TSPEAR: variants seen among roughly 807,000 people sequenced by gnomAD.
TSPEAR encodes the protein thrombospondin-type laminin G domain and EAR repeat-containing protein.
A neutral mutation model predicts 71.6 loss-of-function variants in TSPEAR; 69 were observed. That is an observed-to-expected ratio of 0.96 (90% confidence interval 0.79 to 1.18). The LOEUF (loss-of-function observed/expected upper bound fraction) is 1.18, where lower values mean the gene tolerates loss of function less well. Ranked by LOEUF, TSPEAR falls within the 50% of genes most tolerant of loss-of-function variation. The pLI, the probability that TSPEAR is intolerant of heterozygous loss-of-function variation, is 0.00. For missense variants in TSPEAR, 971 were observed against 894.9 expected (o/e 1.09, Z -1.09); for synonymous variants, 402 against 387.2 (o/e 1.04, Z -0.45).
intron 1 of TSPEAR, among the ~76,000 whole-genome samples, chr21:44,621,989 T>C (rs1982468851): frequency 6.6e-6 from 1 of 152,176 alleles, no homozygotes; most frequent in African/African-American, 2.4e-5. Flanking sequence ...TTTTGGTCCC[T>C]TTACAATTAC....
In TSPEAR at chr21:44,695,268, C is replaced by G. The variant is rs1274661557; in HGVS notation, c.82+16165G>C. On this transcript the variant is annotated intron_variant, in intron 1 of 11. Coordinates refer to ENST00000323084, the MANE Select transcript of TSPEAR (RefSeq NM_144991.3). The surrounding 1 kb of genome is among the most constrained non-coding windows in gnomAD (Gnocchi z 4.5). ...GCACCTTTGCTCCCACTGGACTGGA[C>G]GCTGTGCTGTCTCTCAGGTACGCAA... 6.6e-6 allele frequency among the ~76,000 whole-genome samples: 1 copy of G among 152,326 alleles called. No individual in the cohort carries two copies. The highest frequency in any genetic ancestry group is 2.4e-5 in the African/African-American group (1 of 41,568).
At chr21:44,636,129 A>G (rs1184059226) in intron 1 of TSPEAR, among the ~76,000 whole-genome samples, 2 of 152,192 alleles carry the variant, frequency 1.3e-5, no homozygotes, top group Non-Finnish European at 2.9e-5. Context: ...GGCAGTTCAT[A>G]TCTTCATTTG....
chr21:44,591,455 G>C lies in TSPEAR; in HGVS notation c.83-23450C>G, dbSNP rs782674856. On this transcript the variant is annotated intron_variant, in intron 1 of 11. Coordinates refer to ENST00000323084, the MANE Select transcript of TSPEAR (RefSeq NM_144991.3). ...GGGCGGGAGCACATGGGGCGGCAGA[G>C]GAGGGAAACACAGGAGGCCGTGCGG... is the stretch of plus-strand genomic sequence containing the variant. 4.3e-6 allele frequency: 7 copies of C among 1,613,942 alleles called. No homozygotes were observed. In the Admixed American group the frequency reaches 8.3e-5, roughly 19 times the overall value.
chr21:44,555,256 A>G (rs587750489), intron 2 of TSPEAR, among the ~76,000 whole-genome samples: 1 of 152,356 alleles, frequency 6.6e-6, no homozygotes, highest in African/African-American at 2.4e-5. Context: ...AACGGTTTAT[A>G]AAATAAAAAC....
Position 44,593,297 on chromosome 21 carries a change from C to T in TSPEAR, c.83-25292G>A, listed in dbSNP as rs1235050985. ...TGTGCTCTGCTTCTCCGAGGCTGCC[C>T]GTCAGCCCCCACCCAGCCTCCTGCT... is the stretch of plus-strand genomic sequence containing the variant. On this transcript the variant is annotated intron_variant, in intron 1 of 11. Transcript: ENST00000323084. The surrounding 1 kb of genome is among the most constrained non-coding windows in gnomAD (Gnocchi z 5.9). Among the ~76,000 whole-genome samples the T allele has an allele frequency of 6.6e-6, 1 of 152,178 alleles. No individual in the cohort carries two copies. Among genetic ancestry groups the T allele is most frequent in the East Asian group, 1.9e-4 (1 of 5,200 alleles).
chr21:44,702,243 C>T (rs782347568), intron 1 of TSPEAR: 13 of 1,603,200 alleles, frequency 8.1e-6, no homozygotes, highest in African/African-American at 1.3e-5. Flanking sequence ...CCACCAACTC[C>T]TGGCAGGTGG....
At chr21:44,693,822 A>G (rs993427642) in intron 1 of TSPEAR, among the ~76,000 whole-genome samples, 4 of 152,224 alleles carry the variant, frequency 2.6e-5, no homozygotes, top group Admixed American at 2.0e-4. Flanking sequence ...GAGCACCCAA[A>G]AGAACTAAAA....
chr21:44,522,207 G>T, intron 8 of TSPEAR, 95 bp from the exon 9 acceptor site: 1 of 1,269,744 alleles, frequency 7.9e-7, no homozygotes, highest in Non-Finnish European at 1.1e-6. Context: ...GTCCCTCCCC[G>T]AGGACCGAAG....
rs973900389 is a variant in TSPEAR, at chr21:44,557,913, G to A, written c.303+9872C>T. ...GAGAGATGCATGCCTGGAGGGAATCGGCATGAAAGCTCAGCATTGCTGGCT... is the reference window on the plus strand; with the variant it reads ...GAGAGATGCATGCCTGGAGGGAATCAGCATGAAAGCTCAGCATTGCTGGCT... On this transcript the variant is annotated intron_variant, in intron 2 of 11. Coordinates refer to ENST00000323084, the MANE Select transcript of TSPEAR (RefSeq NM_144991.3). 15 of 1,038,674 alleles carry A rather than the reference G, an allele frequency of 1.4e-5. No homozygotes were observed. The East Asian group carries it at 2.3e-4, about 16-fold the overall frequency. The allele number at this position is 1,038,674 out of a possible 1,614,324, so 64.3% of individuals were successfully genotyped here.
intron 1 of TSPEAR, chr21:44,654,328 C>G (rs1039419338): frequency 3.1e-6 from 5 of 1,614,044 alleles, no homozygotes; most frequent in Non-Finnish European, 4.2e-6. Context: ...CAGGGTGGGG[C>G]AGAAGGGCTG....
chr21:44,569,149 C>T (rs1339774087), intron 1 of TSPEAR, among the ~76,000 whole-genome samples: 1 of 152,208 alleles, frequency 6.6e-6, no homozygotes, highest in African/African-American at 2.4e-5. Context: ...TGCAGTGAGA[C>T]TTCGATCCTC....
rs1160896529 is a variant in TSPEAR at position 44,710,819 on chromosome 21, T to C, written c.82+614A>G. Among the ~76,000 whole-genome samples the C allele has an allele frequency of 6.6e-6, 1 of 152,170 alleles. No homozygotes were observed. The highest frequency in any genetic ancestry group is 1.5e-5 in the Non-Finnish European group (1 of 68,028). ...CAAGCCAAACAGCCTTTCTAAAAGGTGGGAAGGAGACCCCCAGGCTTCGCC... is the reference window on the plus strand; with the variant it reads ...CAAGCCAAACAGCCTTTCTAAAAGGCGGGAAGGAGACCCCCAGGCTTCGCC... On this transcript the variant is annotated intron_variant, in intron 1 of 11. Transcript: ENST00000323084. The surrounding 1 kb of genome is among the most constrained non-coding windows in gnomAD (Gnocchi z 4.6).
At chr21:44,562,549 A>G (rs1261230418) in intron 2 of TSPEAR, among the ~76,000 whole-genome samples, 1 of 152,208 alleles carries the variant, frequency 6.6e-6, no homozygotes, top group Non-Finnish European at 1.5e-5. Context: ...GACACACAAA[A>G]GATACGCAAA....
intron 1 of TSPEAR, among the ~76,000 whole-genome samples, chr21:44,611,746 G>C (rs587700723): frequency 2.9e-4 from 44 of 152,278 alleles, no homozygotes; most frequent in African/African-American, 9.9e-4. Flanking sequence ...TACAGGCAAA[G>C]ACAGGAGGAA....
chr21:44,554,092 C>A (rs2053488350), intron 2 of TSPEAR, among the ~76,000 whole-genome samples: 2 of 152,182 alleles, frequency 1.3e-5, no homozygotes, highest in Non-Finnish European at 2.9e-5. Flanking sequence ...CCAAAATTCA[C>A]ATGTTGAGAC....
At chr21:44,599,134 TTCTCTCTCTCTCTCTCTCTC>T (rs58774528) in intron 1 of TSPEAR, among the ~76,000 whole-genome samples, 1 of 92,280 alleles carries the variant, frequency 1.1e-5, no homozygotes, top group African/African-American at 3.3e-5. Context: ...GGCCCCCATT[TTCTCTCTCTCTCTCTCTCTC>T]TCTCTCTCTC....
chr21:44,592,463 C>G, intron 1 of TSPEAR: 1 of 1,611,254 alleles, frequency 6.2e-7, no homozygotes, highest in Non-Finnish European at 8.5e-7. Flanking sequence ...CTGGAGCAGA[C>G]GGACATGGTG....
chr21:44,706,450 TGTACACACCCACGTGCACACACCCACGC>T (rs1392547273), intron 1 of TSPEAR, among the ~76,000 whole-genome samples: 4 of 149,698 alleles, frequency 2.7e-5, no homozygotes, highest in African/African-American at 2.5e-5. Flanking sequence ...CGCACCCACA[TGTACACACCCACGTGCACACACCCACGC>T]GTACACACCC....
intron 1 of TSPEAR, chr21:44,666,445 C>T: frequency 2.5e-6 from 4 of 1,573,582 alleles, no homozygotes; most frequent in Non-Finnish European, 3.5e-6. Flanking sequence ...GAGATTCATG[C>T]TCAGCAGCAG....
Sources: gnomAD v4.1 joint callset for allele counts (sites outside exome capture counted in the v4.1 genomes callset) on GRCh38, gnomAD v4.1.1 for gene constraint, Gnocchi (gnomAD v3.1) non-coding constraint, MANE v1.5 for transcripts, NCBI Gene and HGNC (gene_info 2026-07-23, HGNC 2026-07-21) for gene names.